The following RNLS variants were observed in gnomAD, a reference collection of about 807,000 sequenced individuals.
RNLS encodes renalase, FAD dependent amine oxidase.
A neutral mutation model predicts 39.8 loss-of-function variants in RNLS; 39 were observed. The observed-to-expected ratio is 0.98, with a 90% CI of 0.76 to 1.28. The LOEUF (loss-of-function observed/expected upper bound fraction) is 1.28. RNLS is among the 50% of genes most tolerant of loss of function. The pLI is 0.00. For synonymous variants in RNLS, 147 were observed against 150.7 expected (o/e 0.98, Z 0.18); for missense variants, 410 against 413.3 (o/e 0.99, Z 0.07).
At chr10:88,355,256 A>G (rs1331647652) in intron 5 of RNLS, among the ~76,000 whole-genome samples, 1 of 152,142 alleles carries the variant, frequency 6.6e-6, no homozygotes, top group Non-Finnish European at 1.5e-5. Context: ...GTTGCTGGTG[A>G]GGAGCTGCAT....
rs111426965 is a variant in RNLS, at chr10:88,524,867, C to T, written c.526+48036G>A. 2.7e-3 allele frequency among the ~76,000 whole-genome samples: 399 copies of T among 149,280 alleles called. 5 individuals are homozygous for T. The highest frequency in any genetic ancestry group is 9.3e-3 in the African/African-American group (377 of 40,674). ...CTTGCCTTAATCCAAAATAAAATCA[C>T]GCTTCAGCTTATTTTCCCAGTCTGG... On this transcript the variant is annotated intron_variant, in intron 4 of 6. Coordinates refer to ENST00000331772, the MANE Select transcript of RNLS (RefSeq NM_001031709.3).
At chr10:88,487,085 C>T (rs1844573327) in intron 4 of RNLS, among the ~76,000 whole-genome samples, 3 of 152,098 alleles carry the variant, frequency 2.0e-5, no homozygotes, top group Admixed American at 2.0e-4. Context: ...AGGCCATTAT[C>T]CTTAGCAAAC....
intron 4 of RNLS, among the ~76,000 whole-genome samples, chr10:88,495,607 G>A (rs1423105153): frequency 1.3e-5 from 2 of 152,164 alleles, no homozygotes; most frequent in Non-Finnish European, 2.9e-5. Context: ...GGGGATGAGA[G>A]AGGAGGAAAA....
At chr10:88,559,312 G>A (rs1408450456) in intron 4 of RNLS, among the ~76,000 whole-genome samples, 1 of 152,056 alleles carries the variant, frequency 6.6e-6, no homozygotes, top group Non-Finnish European at 1.5e-5. Flanking sequence ...TCTTAAGAGT[G>A]TTTTCTTTCT....
At chr10:88,200,804 C>T in the RNLS span, among the ~76,000 whole-genome samples, 1 of 152,092 alleles carries the variant, frequency 6.6e-6, no homozygotes, top group Non-Finnish European at 1.5e-5. Context: ...GCAAGGGTCA[C>T]TCTGAATACC....
chr10:88,536,683 C>T (rs554279859), intron 4 of RNLS, among the ~76,000 whole-genome samples: 1 of 152,190 alleles, frequency 6.6e-6, no homozygotes, highest in African/African-American at 2.4e-5. Context: ...GGCACTTGTT[C>T]CCTCTGTCTG....
At chr10:88,236,628 A>C in the RNLS span, among the ~76,000 whole-genome samples, 3 of 152,198 alleles carry the variant, frequency 2.0e-5, no homozygotes, top group African/African-American at 7.2e-5. Context: ...TTCACACTTC[A>C]GTTTCTTCAT....
chr10:88,252,780 C>A, the RNLS span, among the ~76,000 whole-genome samples: 1 of 152,158 alleles, frequency 6.6e-6, no homozygotes, highest in Non-Finnish European at 1.5e-5. Context: ...CACTACCGGG[C>A]ACATAGTAGG....
chr10:88,570,502 T>C (rs1476751133), intron 4 of RNLS, among the ~76,000 whole-genome samples: 1 of 152,226 alleles, frequency 6.6e-6, no homozygotes, highest in African/African-American at 2.4e-5. Flanking sequence ...AAACACTCAT[T>C]GTTCTTGATT....
chr10:88,387,859 C>T (rs764117483), intron 4 of RNLS, among the ~76,000 whole-genome samples: 1 of 152,134 alleles, frequency 6.6e-6, no homozygotes, highest in Non-Finnish European at 1.5e-5. Context: ...TGTAGTTTAG[C>T]GGGCAATGCA....
chr10:88,492,884 T>G (rs1353521457), intron 4 of RNLS, among the ~76,000 whole-genome samples: 1 of 152,186 alleles, frequency 6.6e-6, no homozygotes, highest in East Asian at 1.9e-4. Context: ...TGATATGTTT[T>G]CTTCTCTCCC....
intron 4 of RNLS, among the ~76,000 whole-genome samples, chr10:88,414,191 T>C (rs1344774617): frequency 1.3e-5 from 2 of 151,956 alleles, no homozygotes; most frequent in African/African-American, 4.8e-5. Context: ...ATCATTACCA[T>C]TGCAAGAGTA....
At chr10:88,558,725 T>C (rs907372530) in intron 4 of RNLS, among the ~76,000 whole-genome samples, 8 of 152,220 alleles carry the variant, frequency 5.3e-5, no homozygotes, top group Middle Eastern at 6.8e-3. Context: ...CAATCTGCCA[T>C]TTAGCAAATA....
At chr10:88,316,809 C>T (rs1413920957) in intron 5 of RNLS, among the ~76,000 whole-genome samples, 1 of 152,120 alleles carries the variant, frequency 6.6e-6, no homozygotes, top group Non-Finnish European at 1.5e-5. Context: ...TTGAATTGTA[C>T]ATTTATTTTG....
At chr10:88,240,977 TAATA>T in the RNLS span, among the ~76,000 whole-genome samples, 2 of 151,308 alleles carry the variant, frequency 1.3e-5, no homozygotes, top group Non-Finnish European at 2.9e-5. Flanking sequence ...CATATGTCTA[TAATA>T]AATTATATAA....
chr10:88,288,933 T>C (rs1197667342), intron 6 of RNLS, among the ~76,000 whole-genome samples: 1 of 152,150 alleles, frequency 6.6e-6, no homozygotes, highest in Non-Finnish European at 1.5e-5. Flanking sequence ...AATCTCACAA[T>C]AATGCAGCCT....
At chr10:88,201,098 G>C in the RNLS span, among the ~76,000 whole-genome samples, 2 of 151,734 alleles carry the variant, frequency 1.3e-5, no homozygotes, top group Non-Finnish European at 2.9e-5. Flanking sequence ...TTCTTGTCTG[G>C]GTATGGAGAG....
chr10:88,392,008 C>T (rs1411344329), intron 4 of RNLS, among the ~76,000 whole-genome samples: 2 of 152,348 alleles, frequency 1.3e-5, no homozygotes, highest in African/African-American at 2.4e-5. Flanking sequence ...TTCCAGAGAA[C>T]TATCATTATT....
intron 3 of RNLS, among the ~76,000 whole-genome samples, chr10:88,573,523 G>A (rs1477295681): frequency 1.3e-5 from 2 of 152,114 alleles, no homozygotes; most frequent in African/African-American, 2.4e-5. Context: ...AATAAGAAGA[G>A]CAATATTCTC....
Sources: allele counts gnomAD v4.1 joint callset (sites outside exome capture counted in the v4.1 genomes callset), GRCh38; gene constraint gnomAD v4.1.1; transcripts MANE v1.5; gene names NCBI Gene and HGNC (gene_info 2026-07-23, HGNC 2026-07-21).